TBX5: variants seen among roughly 807,000 people sequenced by gnomAD.
TBX5 encodes the protein T-box transcription factor TBX5.
Under a neutral mutation model 51.1 loss-of-function variants are expected in TBX5, and 8 were observed. The ratio of observed to expected loss-of-function variants is 0.16; its 90% CI spans 0.09 to 0.28. The LOEUF (loss-of-function observed/expected upper bound fraction) is 0.28. TBX5 is among the 10% of genes least tolerant of loss of function. TBX5 has a pLI of 1.00. For missense variants in TBX5, 589 were observed against 671.7 expected (o/e 0.88, Z 1.36); for synonymous variants, 302 against 266.4 (o/e 1.13, Z -1.30).
intron 8 of TBX5, among the ~76,000 whole-genome samples, chr12:114,360,419 G>T (rs117707074): frequency 6.6e-6 from 1 of 150,868 alleles, no homozygotes; most frequent in Non-Finnish European, 1.5e-5. Context: ...TGAATGAGTG[G>T]GAGGATTGGT....
At chr12:114,370,124 G>A (rs1490439359) in intron 7 of TBX5, among the ~76,000 whole-genome samples, 1 of 151,846 alleles carries the variant, frequency 6.6e-6, no homozygotes, top group Non-Finnish European at 1.5e-5. Context: ...GCATGTACTT[G>A]GGAGGCTGAG....
At chr12:114,371,595 T>TG (rs2136381144) in intron 7 of TBX5, among the ~76,000 whole-genome samples, 1 of 150,886 alleles carries the variant, frequency 6.6e-6, no homozygotes, top group East Asian at 1.9e-4. Context: ...GTGTTTTTTT[T>TG]TTTTTTTTTT....
chr12:114,356,973 T>C lies in TBX5; in HGVS notation c.983-867A>G, dbSNP rs561661775. 4.0e-4 allele frequency among the ~76,000 whole-genome samples: 60 copies of C among 151,186 alleles called. 1 individual carries two copies. The highest frequency in any genetic ancestry group is 7.7e-4 in the Non-Finnish European group (52 of 67,934). The stretch of plus-strand genomic sequence containing the variant: ...ACTGTCTTGATACATAGAGAAAGCA[T>C]GCAATAAATATTTGTACGATGGATG... On this transcript the variant is annotated intron_variant, in intron 8 of 8. Transcript: ENST00000405440.
chr12:114,366,257 A>G lies in TBX5; in HGVS notation c.890T>C (p.Val297Ala). 6.2e-7 allele frequency: 1 copy of G among 1,614,100 alleles called. No individual in the cohort carries two copies. The highest frequency in any genetic ancestry group is 1.1e-5 in the South Asian group (1 of 91,074). ...CAGGAGGTCCTGGGAGGGGCCGGAA[A>G]CACCATTCTCACACTGGTATTGGGA... is the stretch of plus-strand genomic sequence containing the variant. ...LGSQYQCENG[V>A]SGPSQDLLPP... Residue 297 changes from valine (V) to alanine (A), a missense_variant, in exon 8 of 9, where the codon GTT becomes GCT. Around this residue, in one of 7 missense-constraint regions of TBX5, gnomAD observed 348 missense variants for 360.4 expected, o/e 0.97. Coordinates refer to ENST00000405440, the MANE Select transcript of TBX5 (RefSeq NM_181486.4).
chr12:114,376,807 A>T lies in TBX5; in HGVS notation c.755+8669T>A, dbSNP rs1242666392. ...AACCTAAGTATATACACTTTTTGTCAATTATACCTCATTAAAGATGAGGAA... is the reference window on the plus strand; with the variant it reads ...AACCTAAGTATATACACTTTTTGTCTATTATACCTCATTAAAGATGAGGAA... On this transcript the variant is annotated intron_variant, in intron 7 of 8. Coordinates refer to ENST00000405440, the MANE Select transcript of TBX5 (RefSeq NM_181486.4). Among the ~76,000 whole-genome samples the T allele has an allele frequency of 2.0e-5, 3 of 152,098 alleles. No homozygotes were observed. In the East Asian group the frequency reaches 5.8e-4, roughly 29 times the overall value.
At chr12:114,390,458 G>A (rs760602985) in intron 6 of TBX5, among the ~76,000 whole-genome samples, 2 of 152,170 alleles carry the variant, frequency 1.3e-5, no homozygotes, top group Non-Finnish European at 2.9e-5. Context: ...TGGGAGTGGG[G>A]GAAAAACAAA....
chr12:114,403,618 G>T (rs1367963212), intron 2 of TBX5, 134 bp downstream of exon 2: 66 of 1,339,706 alleles, frequency 4.9e-5, no homozygotes, highest in Non-Finnish European at 6.3e-5. Flanking sequence ...GAAAAGGGAT[G>T]ATTATAGTCG....
At chr12:114,369,452 C>G (rs534815252) in intron 7 of TBX5, among the ~76,000 whole-genome samples, 1 of 152,160 alleles carries the variant, frequency 6.6e-6, no homozygotes, top group Admixed American at 6.5e-5. Context: ...TCTGTTAATG[C>G]CTGAAATACG....
chr12:114,376,913 G>A (rs934214366), intron 7 of TBX5, among the ~76,000 whole-genome samples: 12 of 151,886 alleles, frequency 7.9e-5, no homozygotes, highest in Non-Finnish European at 1.2e-4. Context: ...GTGGGGGTGG[G>A]GGTACCTGAG....
Position 114,398,712 on chromosome 12 carries a change from G to A in TBX5, c.371C>T (p.Thr124Met), listed in dbSNP as rs1328136052. Residue 124 changes from threonine (T) to methionine (M), a missense_variant, in exon 5 of 9, where the codon ACG becomes ATG. Thr to Met is a moderately conservative substitution (Grantham distance 81). Transcript: ENST00000405440. ...AGGCATGGCGGGCTCAGCTTTGCCCGTCACAGACCTAGATGAAGGAGAGGT... is the reference window on the plus strand; with the variant it reads ...AGGCATGGCGGGCTCAGCTTTGCCCATCACAGACCTAGATGAAGGAGAGGT... The part of the protein sequence containing the change: ...YKFADNKWSV[T>M]GKAEPAMPGR... 2 of 1,600,696 alleles carry A rather than the reference G, an allele frequency of 1.2e-6. No homozygotes were observed. The highest frequency in any genetic ancestry group is 2.2e-5 in the East Asian group (1 of 44,474).
In TBX5 at chr12:114,394,130, G is replaced by A. The variant is rs138487192; in HGVS notation, c.663+611C>T. Among the ~76,000 whole-genome samples, 916 of 152,252 alleles carry A rather than the reference G, an allele frequency of 6.0e-3. 5 individuals are homozygous for A. Among genetic ancestry groups the A allele is most frequent in the Non-Finnish European group, 8.5e-3 (581 of 68,026 alleles). On this transcript the variant is annotated intron_variant, in intron 6 of 8. Coordinates refer to ENST00000405440, the MANE Select transcript of TBX5 (RefSeq NM_181486.4). Reference sequence around the variant, plus strand: ...AAGACCAGTCCTGGCAACATAGAGAGACCCCGTCTTTACAAAAAACAAAAG... The same window carrying A: ...AAGACCAGTCCTGGCAACATAGAGAAACCCCGTCTTTACAAAAAACAAAAG...
At chr12:114,408,103 C>A (rs1162279303), upstream of TBX5, 26 of 985,312 alleles carry the variant, frequency 2.6e-5, no homozygotes, top group Non-Finnish European at 3.1e-5. Flanking sequence ...GACTTGGAGA[C>A]GTCACGAGTC....
rs883079 is a variant in TBX5, at chr12:114,355,435, C to G, written c.*97G>C. On this transcript the variant is annotated 3_prime_UTR_variant, in exon 9 of 9. Coordinates refer to ENST00000405440, the MANE Select transcript of TBX5 (RefSeq NM_181486.4). Reference sequence around the variant, plus strand: ...ATTGGGTGAAATGAAAAATCTTGTCCGTGGGGTTCTCTTGGCTACTGTCTC... The same window carrying G: ...ATTGGGTGAAATGAAAAATCTTGTCGGTGGGGTTCTCTTGGCTACTGTCTC... 1.7e-5 allele frequency: 25 copies of G among 1,454,176 alleles called. No homozygotes were observed. In the African/African-American group the frequency reaches 3.4e-4, roughly 20 times the overall value. 90.1% of individuals were successfully genotyped at this position (1,454,176 alleles called of 1,614,324 possible). A position where few individuals can be genotyped will look rare whatever the true frequency, so the allele number is the denominator to read the frequency against.
At chr12:114,367,392 C>A (rs913640301) in intron 7 of TBX5, among the ~76,000 whole-genome samples, 1 of 152,108 alleles carries the variant, frequency 6.6e-6, no homozygotes, top group African/African-American at 2.4e-5. Context: ...CTCACACAGG[C>A]AAAGTAAGCA....
chr12:114,357,911 C>G (rs1869010291), intron 8 of TBX5, among the ~76,000 whole-genome samples: 1 of 152,194 alleles, frequency 6.6e-6, no homozygotes, highest in Non-Finnish European at 1.5e-5. Context: ...GCCATGAAAA[C>G]AGAATGCTGA....
Position 114,394,727 on chromosome 12 carries a change from G to T in TBX5, c.663+14C>A. On this transcript the variant is annotated intron_variant, in intron 6 of 8. Transcript: ENST00000405440. ...AGACGGCCCCAGGCACTGGTTCCTGGGCTTCAGGCTTACCTTGTGGTTCTG... is the reference window on the plus strand; with the variant it reads ...AGACGGCCCCAGGCACTGGTTCCTGTGCTTCAGGCTTACCTTGTGGTTCTG... 1 of 1,613,986 alleles carries T rather than the reference G, an allele frequency of 6.2e-7. No homozygotes were observed. Among genetic ancestry groups the T allele is most frequent in the Non-Finnish European group, 8.5e-7 (1 of 1,179,960 alleles).
chr12:114,379,672 C>G (rs543752081), intron 7 of TBX5, among the ~76,000 whole-genome samples: 1 of 152,174 alleles, frequency 6.6e-6, no homozygotes, highest in South Asian at 2.1e-4. Context: ...ACTCCTCGGT[C>G]GAGTAGAAAA....
intron 7 of TBX5, among the ~76,000 whole-genome samples, chr12:114,382,868 G>C (rs1299690758): frequency 6.6e-6 from 1 of 151,604 alleles, no homozygotes; most frequent in Non-Finnish European, 1.5e-5. Context: ...TGCAGTCCCA[G>C]GTACTTGGGA....
At position 114,403,894 on chromosome 12, in the gene TBX5, G is replaced by T; in HGVS notation, c.5C>A (p.Ala2Asp). 1 of 1,612,026 alleles carries T rather than the reference G, an allele frequency of 6.2e-7. No individual in the cohort carries two copies. The highest frequency in any genetic ancestry group is 8.5e-7 in the Non-Finnish European group (1 of 1,179,852). ...CAGGCCAAAGCCCTCGTCTGCGTCG[G>T]CCATGGTGCGCCCAGGGCCCTGTGC... is the stretch of plus-strand genomic sequence containing the variant. M[A>D]DADEGFGLAH... is the part of the protein sequence containing the mutation. Residue 2 changes from alanine to aspartate, a missense_variant, in exon 2 of 9, where the codon GCC (alanine) becomes GAC (aspartate). Ala to Asp is a moderately radical substitution (Grantham distance 126, BLOSUM62 -2). Around this residue, in one of 7 missense-constraint regions of TBX5, gnomAD observed 101 missense variants for 83.3 expected, o/e 1.21. Transcript: ENST00000405440.
Sources: allele counts gnomAD v4.1 joint callset (sites outside exome capture counted in the v4.1 genomes callset), GRCh38; gene constraint gnomAD v4.1.1; regional missense constraint gnomAD v4.1.1; transcripts MANE v1.5; gene names NCBI Gene and HGNC (gene_info 2026-07-23, HGNC 2026-07-21).